Variants in SKIC3 observed in about 807,000 individuals in gnomAD.
SKIC3 encodes the protein superkiller complex protein 3.
At chr5:95,464,142 A>G in the SKIC3 span, 2 of 160,148 alleles carry the variant, frequency 1.2e-5, no homozygotes, top group South Asian at 3.5e-4. Flanking sequence ...TTTGGATTTT[A>G]TGATGAATTG....
the SKIC3 span, chr5:95,529,167 T>C: frequency 2.9e-6 from 4 of 1,364,762 alleles, no homozygotes; most frequent in Non-Finnish European, 1.0e-6. Context: ...ACAGCACCAA[T>C]GCCTACTCTC....
chr5:95,506,831 T>C, the SKIC3 span: 2 of 1,148,626 alleles, frequency 1.7e-6, no homozygotes, highest in Non-Finnish European at 1.3e-6. Context: ...GTATCCTACA[T>C]GTACCAGTAT....
At chr5:95,470,008 G>A in the SKIC3 span, 107 of 1,402,174 alleles carry the variant, frequency 7.6e-5, no homozygotes, top group Non-Finnish European at 8.1e-5. Flanking sequence ...ACGGAGTCTC[G>A]CTCTGTCACC....
At chr5:95,494,629 A>G in the SKIC3 span, 2 of 1,556,954 alleles carry the variant, frequency 1.3e-6, no homozygotes, top group Non-Finnish European at 1.8e-6. Context: ...CTTACAAAAT[A>G]TGTATTTAGA....
the SKIC3 span, among the ~76,000 whole-genome samples, chr5:95,488,381 T>G: frequency 1.3e-5 from 2 of 152,258 alleles, no homozygotes; most frequent in East Asian, 3.9e-4. Flanking sequence ...CATGGCACAC[T>G]ATAGATAACC....
the SKIC3 span, among the ~76,000 whole-genome samples, chr5:95,551,125 A>G: frequency 6.6e-6 from 1 of 152,156 alleles, no homozygotes; most frequent in Non-Finnish European, 1.5e-5. Flanking sequence ...ATACAATTAT[A>G]TTAGTTTGTA....
chr5:95,491,138 G>A, the SKIC3 span: 1 of 1,481,528 alleles, frequency 6.7e-7, no homozygotes, highest in Non-Finnish European at 9.1e-7. Flanking sequence ...AAAAAAAATT[G>A]TATCTAAAAA....
At chr5:95,475,091 T>C in the SKIC3 span, among the ~76,000 whole-genome samples, 5 of 152,352 alleles carry the variant, frequency 3.3e-5, no homozygotes, top group Admixed American at 2.0e-4. Flanking sequence ...CTGAATTCTA[T>C]GTCTGCCATT....
At chr5:95,528,271 A>G in the SKIC3 span, 1 of 1,197,476 alleles carries the variant, frequency 8.4e-7, no homozygotes. Context: ...CCAAAACAAT[A>G]TACATGAAGA....
chr5:95,501,280 G>A, the SKIC3 span, among the ~76,000 whole-genome samples: 3 of 152,130 alleles, frequency 2.0e-5, no homozygotes, highest in Non-Finnish European at 4.4e-5. Context: ...AAGCAAACAC[G>A]TGCTGAATGC....
chr5:95,484,754 T>C, the SKIC3 span: 1 of 1,614,210 alleles, frequency 6.2e-7, no homozygotes, highest in Non-Finnish European at 8.5e-7. Context: ...CTTCAGATAT[T>C]CTTCCTGTGT....
the SKIC3 span, among the ~76,000 whole-genome samples, chr5:95,550,294 TG>T: frequency 6.6e-6 from 1 of 151,904 alleles, no homozygotes; most frequent in Non-Finnish European, 1.5e-5. Flanking sequence ...GTTGAGGCTA[TG>T]AAACCTTAAA....
chr5:95,514,918 A>C, the SKIC3 span: 1 of 1,612,326 alleles, frequency 6.2e-7, no homozygotes, highest in Non-Finnish European at 8.5e-7. Flanking sequence ...AAGCCTCATG[A>C]GCTTGCTAGG....
At chr5:95,533,644 T>A in the SKIC3 span, among the ~76,000 whole-genome samples, 3 of 152,336 alleles carry the variant, frequency 2.0e-5, no homozygotes, top group South Asian at 6.2e-4. Flanking sequence ...CTCTTTTTGC[T>A]GTGATATAGA....
chr5:95,518,469 C>T, the SKIC3 span, among the ~76,000 whole-genome samples: 1 of 152,032 alleles, frequency 6.6e-6, no homozygotes, highest in African/African-American at 2.4e-5. Context: ...TCCCCCTACC[C>T]TTCCCAGCTT....
chr5:95,544,360 T>G, the SKIC3 span, among the ~76,000 whole-genome samples: 1 of 152,140 alleles, frequency 6.6e-6, no homozygotes, highest in African/African-American at 2.4e-5. Context: ...CCATCGTCAC[T>G]CACCAATCAG....
the SKIC3 span, among the ~76,000 whole-genome samples, chr5:95,484,332 G>A: frequency 2.0e-4 from 30 of 147,034 alleles, no homozygotes; most frequent in Non-Finnish European, 3.0e-4. Flanking sequence ...TAAACAACAT[G>A]CATTCCTCTT....
At chr5:95,482,013 A>G in the SKIC3 span, among the ~76,000 whole-genome samples, 8 of 152,332 alleles carry the variant, frequency 5.3e-5, no homozygotes, top group African/African-American at 1.7e-4. Flanking sequence ...ACTGTGGATA[A>G]CCAGAGCCAC....
At chr5:95,529,098 T>C in the SKIC3 span, 1 of 1,613,418 alleles carries the variant, frequency 6.2e-7, no homozygotes, top group East Asian at 2.2e-5. Context: ...GGCTTTCCTT[T>C]AACCCTAAAA....
Sources: gnomAD v4.1 joint callset for allele counts (sites outside exome capture counted in the v4.1 genomes callset) on GRCh38, gnomAD v4.1.1 for gene constraint, MANE v1.5 for transcripts, NCBI Gene and HGNC (gene_info 2026-07-23, HGNC 2026-07-21) for gene names.